The following GABRA2 variants were observed in gnomAD, a reference collection of about 807,000 sequenced individuals.
The protein encoded by GABRA2 is gamma-aminobutyric acid receptor subunit alpha-2.
GABRA2 carries 16 observed loss-of-function variants against 48.7 expected under a neutral mutation model. The ratio of observed to expected loss-of-function variants is 0.33; its 90% CI spans 0.22 to 0.50. GABRA2 has a LOEUF of 0.50. Among genes scored for constraint, GABRA2 ranks in the 20% least tolerant of loss-of-function variants. The pLI is 0.98. For missense variants in GABRA2, 275 were observed against 535.6 expected (o/e 0.51, Z 4.80); for synonymous variants, 185 against 184.5 (o/e 1.00, Z -0.02).
chr4:46,378,145 C>A (rs1437856836), intron 3 of GABRA2, among the ~76,000 whole-genome samples: 1 of 152,074 alleles, frequency 6.6e-6, no homozygotes, highest in Admixed American at 6.5e-5. Context: ...GCCACCACCC[C>A]GTCTGGGAGG....
In GABRA2 at chr4:46,369,921, T is replaced by G. The variant is rs139055471; in HGVS notation, c.187+16153A>C. On this transcript the variant is annotated intron_variant, in intron 3 of 9. Transcript: ENST00000381620. ...GCTAAAACCTAAAAATAGGAAAATG[T>G]GGTTCCCAATAGAAGCAATAGTCTA... is the stretch of plus-strand genomic sequence containing the variant. Among the ~76,000 whole-genome samples, 563 of 152,232 alleles carry G rather than the reference T, an allele frequency of 3.7e-3. 3 individuals carry two copies. Among genetic ancestry groups the G allele is most frequent in the Middle Eastern group, 0.014 (4 of 294 alleles).
chr4:46,312,539 A>G lies in GABRA2; in HGVS notation c.433T>C (p.Leu145=). The G allele has an allele frequency of 3.1e-6, 5 of 1,606,954 alleles. No homozygotes were observed. Among genetic ancestry groups the G allele is most frequent in the Non-Finnish European group, 4.2e-6 (5 of 1,177,522 alleles). ...GTCCCATCATCCTGAATTCGAAGCA[A>G]CTTATTTGGCATTGTCATATTATGA... ...VAHNMTMPNK[L]LRIQDDGTLL... The change falls in exon 5 of 10, where the codon TTG becomes CTG. Residue 145 remains leucine, a synonymous_variant. Coordinates refer to ENST00000381620, the MANE Select transcript of GABRA2 (RefSeq NM_000807.4).
intron 8 of GABRA2, among the ~76,000 whole-genome samples, chr4:46,286,581 C>T (rs1027137101): frequency 2.0e-5 from 3 of 152,002 alleles, no homozygotes; most frequent in African/African-American, 7.2e-5. Context: ...ACAAGGATTC[C>T]TATTTTTCTA....
chr4:46,368,620 T>C (rs1293994400), intron 3 of GABRA2: 1 of 215,910 alleles, frequency 4.6e-6, no homozygotes, highest in Non-Finnish European at 9.1e-6. Context: ...ATACCCTTTA[T>C]GAGAAGTCTT....
intron 5 of GABRA2, among the ~76,000 whole-genome samples, chr4:46,310,944 C>A (rs1461208176): frequency 6.6e-6 from 1 of 151,970 alleles, no homozygotes; most frequent in East Asian, 1.9e-4. Flanking sequence ...CATGTAAAGA[C>A]AAAGTGGATA....
intron 8 of GABRA2, among the ~76,000 whole-genome samples, chr4:46,267,006 G>T (rs1189835770): frequency 6.6e-6 from 1 of 151,948 alleles, no homozygotes; most frequent in African/African-American, 2.4e-5. Flanking sequence ...TTACAGGTGT[G>T]AGCCACCGTG....
chr4:46,303,886 A>G (rs527688676), intron 7 of GABRA2, among the ~76,000 whole-genome samples: 9 of 152,276 alleles, frequency 5.9e-5, no homozygotes, highest in African/African-American at 2.2e-4. Flanking sequence ...GAAGTGTTTC[A>G]GGGTTTGGAT....
At chr4:46,359,181 T>A (rs569736759) in intron 3 of GABRA2, among the ~76,000 whole-genome samples, 1 of 152,292 alleles carries the variant, frequency 6.6e-6, no homozygotes, top group South Asian at 2.1e-4. Context: ...TGTTGTAATG[T>A]CTAATAAAAA....
chr4:46,377,685 G>A (rs1332264348), intron 3 of GABRA2, among the ~76,000 whole-genome samples: 1 of 145,690 alleles, frequency 6.9e-6, no homozygotes, highest in Non-Finnish European at 1.5e-5. Flanking sequence ...ACTGGGAAGT[G>A]AGGAGCCCCT....
intron 3 of GABRA2, among the ~76,000 whole-genome samples, chr4:46,339,669 C>T (rs182838551): frequency 1.5e-3 from 233 of 151,896 alleles, no homozygotes; most frequent in Middle Eastern, 3.4e-3. Context: ...ACATTTTCTT[C>T]ACTTCTTCTC....
intron 3 of GABRA2, among the ~76,000 whole-genome samples, chr4:46,375,998 G>T (rs2109329525): frequency 6.6e-6 from 1 of 152,224 alleles, no homozygotes; most frequent in Non-Finnish European, 1.5e-5. Flanking sequence ...TTCTTATAAT[G>T]GACCATGTGT....
chr4:46,386,338 C>T (rs1717453971), intron 2 of GABRA2, 149 bp from the exon 3 acceptor site: 8 of 557,614 alleles, frequency 1.4e-5, no homozygotes, highest in South Asian at 1.2e-4. Flanking sequence ...CTATAAATAT[C>T]GGTTTGTCTT....
intron 3 of GABRA2, among the ~76,000 whole-genome samples, chr4:46,376,739 T>G (rs1192145686): frequency 1.4e-5 from 1 of 73,478 alleles, no homozygotes; most frequent in Admixed American, 1.1e-4. Context: ...ATTGTCTCCC[T>G]CTCCCTCTCC....
intron 8 of GABRA2, among the ~76,000 whole-genome samples, chr4:46,285,743 G>T (rs1577906752): frequency 6.6e-6 from 1 of 151,296 alleles, no homozygotes. Context: ...TGTATTATTT[G>T]TGCTCTGAAA....
At chr4:46,329,082 G>T (rs146210362) in intron 4 of GABRA2, among the ~76,000 whole-genome samples, 1 of 151,968 alleles carries the variant, frequency 6.6e-6, no homozygotes, top group Non-Finnish European at 1.5e-5. Context: ...TCTAGATTTG[G>T]ACAAATATCA....
chr4:46,318,796 G>T (rs542790352), intron 4 of GABRA2, among the ~76,000 whole-genome samples: 14 of 151,502 alleles, frequency 9.2e-5, no homozygotes, highest in Non-Finnish European at 1.3e-4. Flanking sequence ...ACAAAAAACC[G>T]CAAGGATATA....
At chr4:46,372,981 A>G (rs1715136532) in intron 3 of GABRA2, among the ~76,000 whole-genome samples, 1 of 152,114 alleles carries the variant, frequency 6.6e-6, no homozygotes, top group African/African-American at 2.4e-5. Context: ...GTGTTGATAG[A>G]TTTTGCTTAA....
chr4:46,266,780 G>A (rs1718335331), intron 8 of GABRA2, among the ~76,000 whole-genome samples: 1 of 133,826 alleles, frequency 7.5e-6, no homozygotes, highest in Non-Finnish European at 1.5e-5. Context: ...AGAGGGCAGT[G>A]ACATGGTCTC....
intron 8 of GABRA2, among the ~76,000 whole-genome samples, chr4:46,280,831 G>A (rs1376406587): frequency 1.3e-5 from 2 of 152,140 alleles, no homozygotes; most frequent in African/African-American, 2.4e-5. Flanking sequence ...AATGGGATTA[G>A]TGTGGTTATA....
Sources: allele counts gnomAD v4.1 joint callset (sites outside exome capture counted in the v4.1 genomes callset), GRCh38; gene constraint gnomAD v4.1.1; transcripts MANE v1.5; gene names NCBI Gene and HGNC (gene_info 2026-07-23, HGNC 2026-07-21).